Variants in AKAP13 observed in about 807,000 individuals in gnomAD.
AKAP13 encodes the protein A-kinase anchoring protein 13, also known as A-kinase anchor protein 13.
AKAP13 carries 80 observed loss-of-function variants against 264.5 expected under a neutral mutation model. That is an observed-to-expected ratio of 0.30 (90% CI 0.25 to 0.36). The LOEUF (loss-of-function observed/expected upper bound fraction) is 0.36, where lower values mean the gene tolerates loss of function less well. AKAP13 is among the 10% of genes least tolerant of loss of function. The pLI is 1.00. For synonymous variants in AKAP13, 1,380 were observed against 1,250.2 expected (o/e 1.10, Z -2.19); for missense variants, 3,712 against 3,435.2 (o/e 1.08, Z -2.01).
At chr15:85,698,336 G>T (rs948982030) in intron 17 of AKAP13, among the ~76,000 whole-genome samples, 1 of 151,616 alleles carries the variant, frequency 6.6e-6, no homozygotes, top group Non-Finnish European at 1.5e-5. Context: ...CATGGTGGCA[G>T]TGCCTGTAAT....
At chr15:85,530,237 C>A (rs929922790) in intron 3 of AKAP13, among the ~76,000 whole-genome samples, 4 of 152,148 alleles carry the variant, frequency 2.6e-5, no homozygotes, top group Admixed American at 2.6e-4. Context: ...TCCCATTCTG[C>A]CTGAGTAAAC....
At chr15:85,538,505 TTTGAGACGGA>T (rs2077476182) in intron 4 of AKAP13, among the ~76,000 whole-genome samples, 1 of 151,162 alleles carries the variant, frequency 6.6e-6, no homozygotes, top group Non-Finnish European at 1.5e-5. Context: ...TTTTTTTTTT[TTTGAGACGGA>T]GTCTCGCTCT....
intron 13 of AKAP13, among the ~76,000 whole-genome samples, chr15:85,665,463 C>A (rs1285657139): frequency 6.6e-6 from 1 of 152,202 alleles, no homozygotes; most frequent in East Asian, 1.9e-4. Flanking sequence ...AACTTTCTTA[C>A]TACACCTTCC....
intron 1 of AKAP13, among the ~76,000 whole-genome samples, chr15:85,416,412 T>A (rs1426975097): frequency 6.6e-6 from 1 of 152,170 alleles, no homozygotes; most frequent in African/African-American, 2.4e-5. Flanking sequence ...CTGGTTTTTT[T>A]CCTCCCTGCT....
chr15:85,644,286 C>T (rs946030328), intron 9 of AKAP13, among the ~76,000 whole-genome samples: 3 of 148,702 alleles, frequency 2.0e-5, no homozygotes, highest in African/African-American at 5.0e-5. Flanking sequence ...GGCTGGAGTG[C>T]AATGGCGTGA....
intron 1 of AKAP13, among the ~76,000 whole-genome samples, chr15:85,383,905 T>C (rs985824948): frequency 5.9e-5 from 9 of 152,224 alleles, no homozygotes; most frequent in Admixed American, 1.3e-4. Context: ...GTTAGTTCAG[T>C]ACAGAGACAT....
In AKAP13 at chr15:85,745,036, A is replaced by C. The variant is rs1808339; in HGVS notation, c.*359A>C. ...ATCCAAGTAAGGTCTGAACCTCCGA[A>C]TGCCTTTTATTTGGGGGAACACAAA... On this transcript the variant is annotated 3_prime_UTR_variant, in exon 37 of 37. Transcript: ENST00000394518. 0.76 allele frequency: 143,074 copies of C among 187,298 alleles called. 56,165 individuals carry two copies. Among genetic ancestry groups the C allele is most frequent in the Non-Finnish European group, 0.84 (75,943 of 90,116 alleles). 11.6% of individuals were successfully genotyped at this position (187,298 alleles called of 1,614,324 possible).
chr15:85,613,715 A>ATATATATGTATATATATGTATACATATAT (rs1421387238), intron 8 of AKAP13, among the ~76,000 whole-genome samples: 1 of 77,116 alleles, frequency 1.3e-5, no homozygotes, highest in African/African-American at 4.4e-5. Flanking sequence ...TATATATATT[A>ATATATATGTATATATATGTATACATATAT]GGAGTGCTGA....
chr15:85,465,216 T>C (rs942864582), intron 1 of AKAP13, among the ~76,000 whole-genome samples: 1 of 151,674 alleles, frequency 6.6e-6, no homozygotes, highest in African/African-American at 2.4e-5. Context: ...CCTCCCAAAG[T>C]GCTGGGATTA....
chr15:85,664,416 C>T, intron 12 of AKAP13, 147 bp from the exon 13 acceptor site: 2 of 711,426 alleles, frequency 2.8e-6, no homozygotes, highest in Non-Finnish European at 2.3e-6. Context: ...AGGTAGTATT[C>T]TTTGTGCCAT....
At chr15:85,695,426 G>C (rs542006579) in intron 17 of AKAP13, among the ~76,000 whole-genome samples, 1 of 152,106 alleles carries the variant, frequency 6.6e-6, no homozygotes, top group Non-Finnish European at 1.5e-5. Flanking sequence ...ACAAAAAAAC[G>C]TGTATTTGGA....
chr15:85,408,834 A>G (rs2071802729), intron 1 of AKAP13, among the ~76,000 whole-genome samples: 1 of 151,774 alleles, frequency 6.6e-6, no homozygotes, highest in Non-Finnish European at 1.5e-5. Flanking sequence ...TCTTTGGCGT[A>G]TGTACCCAGA....
At position 85,394,761 on chromosome 15, in the gene AKAP13, T is replaced by G. The variant is rs374932302; in HGVS notation, c.-12+13963T>G. Among the ~76,000 whole-genome samples the G allele has an allele frequency of 5.9e-5, 9 of 152,206 alleles. No individual in the cohort carries two copies. The South Asian group carries it at 6.2e-4, about 10-fold the overall frequency. Reference sequence around the variant, plus strand: ...GCAGGTAGGTTACTGCTCTTTTGCCTTTGAGTTCTTTTGTTCTGTGAAATG... The same window carrying G: ...GCAGGTAGGTTACTGCTCTTTTGCCGTTGAGTTCTTTTGTTCTGTGAAATG... On this transcript the variant is annotated intron_variant, in intron 1 of 36. Coordinates refer to ENST00000394518, the MANE Select transcript of AKAP13 (RefSeq NM_007200.5).
At chr15:85,690,170 T>G (rs1489282293) in intron 16 of AKAP13, 4 of 152,250 alleles carry the variant, frequency 2.6e-5, no homozygotes, top group Non-Finnish European at 5.9e-5. Context: ...TGGAGTTGGT[T>G]GTTTTGTTTT....
intron 4 of AKAP13, among the ~76,000 whole-genome samples, chr15:85,541,109 T>C (rs1228957668): frequency 6.6e-6 from 1 of 152,248 alleles, no homozygotes; most frequent in Admixed American, 6.5e-5. Context: ...GGTACAGATT[T>C]GGGTTCACGT....
At chr15:85,532,586 A>T (rs1250940309) in intron 3 of AKAP13, among the ~76,000 whole-genome samples, 2 of 152,236 alleles carry the variant, frequency 1.3e-5, no homozygotes, top group Non-Finnish European at 2.9e-5. Flanking sequence ...AAGGATGGTG[A>T]TAGGAGCATA....
At chr15:85,528,244 A>G (rs534729372) in intron 3 of AKAP13, among the ~76,000 whole-genome samples, 103 of 152,310 alleles carry the variant, frequency 6.8e-4, no homozygotes, top group African/African-American at 2.4e-3. Flanking sequence ...AAAAAGGTGC[A>G]GATTAGGTGA....
intron 1 of AKAP13, among the ~76,000 whole-genome samples, chr15:85,393,610 C>G (rs1043121446): frequency 6.6e-6 from 1 of 152,078 alleles, no homozygotes; most frequent in Non-Finnish European, 1.5e-5. Context: ...GTGTGTTTAC[C>G]TACGTGTTAT....
rs375430962 is a variant in AKAP13, at chr15:85,514,843, G to T, written c.34-6585G>T. Among the ~76,000 whole-genome samples the T allele has an allele frequency of 3.2e-4, 40 of 124,824 alleles. 6 individuals carry two copies. The highest frequency in any genetic ancestry group is 7.4e-4 in the Admixed American group (9 of 12,192). The allele number at this position is 124,824 out of a possible 152,430, so 81.9% of individuals were successfully genotyped here. A position where few individuals can be genotyped will look rare whatever the true frequency, so the allele number is the denominator to read the frequency against. On this transcript the variant is annotated intron_variant, in intron 2 of 36. Transcript: ENST00000394518. The stretch of plus-strand genomic sequence containing the variant: ...GTGTTGGTTAATGAGATTTTGAGGG[G>T]TTTTTTTTTTTTGGTACTGTAATAA...
Sources: allele counts gnomAD v4.1 joint callset (sites outside exome capture counted in the v4.1 genomes callset), GRCh38; gene constraint gnomAD v4.1.1; transcripts MANE v1.5; gene names NCBI Gene and HGNC (gene_info 2026-07-23, HGNC 2026-07-21).